Variants in PCDHA5 observed in about 807,000 individuals in gnomAD.
The protein encoded by PCDHA5 is protocadherin alpha-5.
Under a neutral mutation model 61.6 loss-of-function variants are expected in PCDHA5, and 43 were observed. The observed-to-expected ratio is 0.70, with a 90% CI of 0.55 to 0.90. PCDHA5 has a LOEUF of 0.90. Ranked by LOEUF, PCDHA5 falls within the 40% of genes least tolerant of loss-of-function variation. The pLI is 0.00. For missense variants in PCDHA5, 1,298 were observed against 1,222.7 expected, an observed-to-expected ratio of 1.06 and a Z score of -0.92; for synonymous variants, 627 against 543.9, an observed-to-expected ratio of 1.15 and a Z score of -2.13.
intron 1 of PCDHA5, chr5:140,851,881 T>C: frequency 1.0e-6 from 1 of 977,870 alleles, no homozygotes; most frequent in Non-Finnish European, 1.2e-6. Context: ...GGCAGAAATC[T>C]GGATATGAGA....
intron 1 of PCDHA5, among the ~76,000 whole-genome samples, chr5:140,903,809 G>A (rs1004701576): frequency 2.0e-5 from 3 of 152,080 alleles, no homozygotes; most frequent in African/African-American, 7.2e-5. Flanking sequence ...GACAAGTATA[G>A]TTCTCACATG....
At chr5:140,870,952 T>G in intron 1 of PCDHA5, 4 of 1,613,610 alleles carry the variant, frequency 2.5e-6, no homozygotes, top group Non-Finnish European at 3.4e-6. Flanking sequence ...GGCGGGCGGC[T>G]CGCGCATCCC....
At chr5:140,878,993 G>A (rs369200128) in intron 1 of PCDHA5, among the ~76,000 whole-genome samples, 70 of 152,306 alleles carry the variant, frequency 4.6e-4, no homozygotes, top group African/African-American at 1.7e-3. Context: ...AGAAATGAGA[G>A]TATGCCCTAG....
At chr5:140,850,588 T>A in intron 1 of PCDHA5, 1 of 1,598,352 alleles carries the variant, frequency 6.3e-7, no homozygotes, top group South Asian at 1.1e-5. Flanking sequence ...GATGTCAACG[T>A]GTACCTGATC....
chr5:140,852,046 T>C, intron 1 of PCDHA5: 1 of 917,334 alleles, frequency 1.1e-6, no homozygotes, highest in South Asian at 5.0e-5. Flanking sequence ...TTTTGTTATG[T>C]GGTTTATATT....
intron 1 of PCDHA5, among the ~76,000 whole-genome samples, chr5:140,888,287 C>A (rs1371852276): frequency 6.6e-6 from 1 of 152,072 alleles, no homozygotes; most frequent in Non-Finnish European, 1.5e-5. Context: ...CCCCTCTACC[C>A]CCTACCCAGG....
At chr5:141,005,556 G>T (rs62384513) in intron 3 of PCDHA5, among the ~76,000 whole-genome samples, 1 of 151,476 alleles carries the variant, frequency 6.6e-6, no homozygotes, top group South Asian at 2.1e-4. Flanking sequence ...ACAAAAATTA[G>T]CCGGGCATGG....
intron 1 of PCDHA5, among the ~76,000 whole-genome samples, chr5:140,899,116 T>C (rs563698448): frequency 6.6e-6 from 1 of 152,246 alleles, no homozygotes; most frequent in South Asian, 2.1e-4. Flanking sequence ...TTTCTAGATA[T>C]ACAATCATGT....
chr5:140,915,262 T>G (rs539637990), intron 1 of PCDHA5, among the ~76,000 whole-genome samples: 1 of 152,290 alleles, frequency 6.6e-6, no homozygotes, highest in Admixed American at 6.5e-5. Context: ...GTTATTATTT[T>G]TGACCAGTTC....
At chr5:140,875,891 TA>T (rs2055921027) in intron 1 of PCDHA5, 3 of 1,614,128 alleles carry the variant, frequency 1.9e-6, no homozygotes, top group Middle Eastern at 3.3e-4. Flanking sequence ...GAACAAAAGG[TA>T]CCTGTTTCTG....
chr5:140,869,973 C>G, intron 1 of PCDHA5: 2 of 1,613,100 alleles, frequency 1.2e-6, no homozygotes, highest in African/African-American at 1.3e-5. Flanking sequence ...ATGGAAGACA[C>G]TTATTTACAC....
intron 1 of PCDHA5, chr5:140,967,098 G>C: frequency 6.2e-7 from 1 of 1,613,130 alleles, no homozygotes; most frequent in Non-Finnish European, 8.5e-7. Flanking sequence ...GAGGCGCTGT[G>C]TGAGCAGCGG....
In PCDHA5 at chr5:141,010,555, C is replaced by CTG; in HGVS notation, c.*618_*619insTG. 2 of 321,156 alleles carry CTG rather than the reference C, an allele frequency of 6.2e-6. No homozygotes were observed. The highest frequency in any genetic ancestry group is 1.1e-4 in the South Asian group (2 of 18,704). 19.9% of individuals were successfully genotyped at this position (321,156 alleles called of 1,614,324 possible). On this transcript the variant is annotated 3_prime_UTR_variant, in exon 4 of 4. Coordinates refer to ENST00000529859, the MANE Select transcript of PCDHA5 (RefSeq NM_018908.3). ...ACCCTCTAGGAGACAAAACTACCCCCACTGACAAGGCTTTAGGAGACCCTA... is the reference window on the plus strand; with the variant it reads ...ACCCTCTAGGAGACAAAACTACCCCCTGACTGACAAGGCTTTAGGAGACCCTA...
At chr5:140,961,617 C>A (rs781986571) in intron 1 of PCDHA5, among the ~76,000 whole-genome samples, 47 of 152,204 alleles carry the variant, frequency 3.1e-4, no homozygotes, top group Middle Eastern at 3.4e-3. Context: ...AACTAAAGTG[C>A]CCATATGAAA....
chr5:140,827,945 A>C, intron 1 of PCDHA5: 1 of 1,217,964 alleles, frequency 8.2e-7, no homozygotes, highest in African/African-American at 1.5e-5. Flanking sequence ...GCTAGCCAAC[A>C]TTCAAATTTC....
chr5:140,900,882 A>G (rs1453854297), intron 1 of PCDHA5, among the ~76,000 whole-genome samples: 1 of 152,044 alleles, frequency 6.6e-6, no homozygotes, highest in African/African-American at 2.4e-5. Flanking sequence ...ATTGCCTGTC[A>G]TTTGGATAAA....
At chr5:140,900,014 T>C (rs1002415971) in intron 1 of PCDHA5, among the ~76,000 whole-genome samples, 1 of 152,032 alleles carries the variant, frequency 6.6e-6, no homozygotes, top group African/African-American at 2.4e-5. Flanking sequence ...CTCACTTTGT[T>C]ACCCAGTTTG....
At chr5:140,882,601 C>G (rs1322989069) in intron 1 of PCDHA5, 1 of 1,614,144 alleles carries the variant, frequency 6.2e-7, no homozygotes, top group Admixed American at 1.7e-5. Flanking sequence ...TGATCGTGGA[C>G]AGGCCTCTGC....
chr5:140,848,454 G>T, intron 1 of PCDHA5: 1 of 1,522,346 alleles, frequency 6.6e-7, no homozygotes, highest in Non-Finnish European at 8.9e-7. Context: ...CTTCTAATTT[G>T]GAGGCAATTT....
Sources: gnomAD v4.1 joint callset for allele counts (sites outside exome capture counted in the v4.1 genomes callset) on GRCh38, gnomAD v4.1.1 for gene constraint, MANE v1.5 for transcripts, NCBI Gene and HGNC (gene_info 2026-07-23, HGNC 2026-07-21) for gene names.